The following PCLO variants were observed in gnomAD, a reference collection of about 807,000 sequenced individuals.
The protein encoded by PCLO is piccolo presynaptic cytomatrix protein.
In PCLO, 82 loss-of-function variants were observed where a neutral mutation model predicts 427.5. The observed-to-expected ratio is 0.19, with a 90% confidence interval of 0.16 to 0.23. The LOEUF (loss-of-function observed/expected upper bound fraction) is 0.23. PCLO is among the 10% of genes least tolerant of loss of function. The pLI, the probability that PCLO is intolerant of heterozygous loss-of-function variation, is 1.00. For missense variants in PCLO, 6,239 were observed against 6,115.9 expected (o/e 1.02, Z -0.67); for synonymous variants, 2,357 against 2,155.4 (o/e 1.09, Z -2.59).
chr7:83,106,131 G>A (rs960589685), intron 3 of PCLO, among the ~76,000 whole-genome samples: 1 of 152,190 alleles, frequency 6.6e-6, no homozygotes, highest in Non-Finnish European at 1.5e-5. Context: ...CACTGCTGTG[G>A]CTGAATTCCA....
chr7:83,066,214 C>A (rs573819390), intron 3 of PCLO, among the ~76,000 whole-genome samples: 3 of 152,178 alleles, frequency 2.0e-5, no homozygotes, highest in East Asian at 1.9e-4. Flanking sequence ...ACTTTTTAAA[C>A]CCTTTAAAAA....
chr7:83,024,908 G>A (rs564075098), intron 3 of PCLO, among the ~76,000 whole-genome samples: 1 of 151,332 alleles, frequency 6.6e-6, no homozygotes, highest in South Asian at 2.1e-4. Flanking sequence ...CTGTTAGAAG[G>A]AAAACTAACA....
intron 22 of PCLO, among the ~76,000 whole-genome samples, chr7:82,785,172 T>C (rs189919232): frequency 1.1e-4 from 16 of 152,284 alleles, no homozygotes; most frequent in African/African-American, 3.6e-4. Context: ...AATTATTCCA[T>C]GGATTGGGGG....
chr7:82,761,341 T>C lies in PCLO; in HGVS notation c.15142+18A>G. ...AAAAAAATCTAGATATATTGATGAT[T>C]ATAATAGAATTAGATACCTGGTAGA... On this transcript the variant is annotated intron_variant, in intron 23 of 24. Coordinates refer to ENST00000333891, the MANE Select transcript of PCLO (RefSeq NM_033026.6). 2 of 1,341,536 alleles carry C rather than the reference T, an allele frequency of 1.5e-6. No individual in the cohort carries two copies. The highest frequency in any genetic ancestry group is 1.3e-5 in the South Asian group (1 of 75,396). 83.1% of individuals were successfully genotyped at this position (1,341,536 alleles called of 1,614,324 possible).
intron 6 of PCLO, among the ~76,000 whole-genome samples, chr7:82,925,127 CCTCT>C (rs1794683865): frequency 6.6e-6 from 1 of 152,096 alleles, no homozygotes; most frequent in Non-Finnish European, 1.5e-5. Context: ...ATACTATACT[CCTCT>C]CTGACTTTAT....
chr7:83,038,266 G>A (rs1425970403), intron 3 of PCLO, among the ~76,000 whole-genome samples: 2 of 148,822 alleles, frequency 1.3e-5, no homozygotes, highest in Non-Finnish European at 3.0e-5. Flanking sequence ...CAATTTAATG[G>A]TTTTTAGTAT....
At chr7:83,055,950 T>C (rs1033171924) in intron 3 of PCLO, among the ~76,000 whole-genome samples, 1 of 152,158 alleles carries the variant, frequency 6.6e-6, no homozygotes, top group Non-Finnish European at 1.5e-5. Context: ...CAGGTAGAGA[T>C]GTTTTAATAC....
intron 3 of PCLO, among the ~76,000 whole-genome samples, chr7:83,042,793 C>T (rs557257049): frequency 1.7e-4 from 26 of 152,134 alleles, no homozygotes; most frequent in African/African-American, 5.8e-4. Context: ...ACCCGGGAGG[C>T]GGAGGTTGCA....
chr7:82,893,365 C>A (rs979397434), intron 9 of PCLO, among the ~76,000 whole-genome samples: 2 of 151,818 alleles, frequency 1.3e-5, no homozygotes, highest in Admixed American at 6.6e-5. Flanking sequence ...TAGGTGGGAA[C>A]TGAACAATGA....
Position 83,135,133 on chromosome 7 carries a change from A to C in PCLO, c.2417T>G (p.Phe806Cys). The stretch of plus-strand genomic sequence containing the variant: ...GCTGACTTTTTCCCCTGTTGGTGGA[A>C]AACTCTGTGAGGGTTTGGCAGAGTC... ...KTDSAKPSQS[F>C]PPTGEKVSPF... The change falls in exon 3 of 25, where the codon TTT becomes TGT. Residue 806 changes from phenylalanine to cysteine, a missense_variant. Phe to Cys is a radical substitution (Grantham distance 205, BLOSUM62 -2). Coordinates refer to ENST00000333891, the MANE Select transcript of PCLO (RefSeq NM_033026.6). 1.2e-6 allele frequency: 2 copies of C among 1,613,922 alleles called. No individual in the cohort carries two copies. The highest frequency in any genetic ancestry group is 1.7e-6 in the Non-Finnish European group (2 of 1,179,890).
rs771739716 is a variant in PCLO at position 82,915,086 on chromosome 7, C to A, written c.12900G>T (p.Gly4300=). 1 of 1,604,104 alleles carries A rather than the reference C, an allele frequency of 6.2e-7. No homozygotes were observed. The part of the protein sequence containing the change: ...RPSSRPSSVY[G]LDLSIKRDSS... ...AATCCCTTTTAATTGATAAATCAAG[C>A]CCATAGACAGAGGAAGGTCTGGAGG... The change falls in exon 7 of 25, where the codon GGG becomes GGT. Residue 4300 remains glycine, a synonymous_variant. Coordinates refer to ENST00000333891, the MANE Select transcript of PCLO (RefSeq NM_033026.6).
At position 82,944,137 on chromosome 7, in the gene PCLO, TA is replaced by T. The variant is rs71096608; in HGVS notation, c.11112+5338del. On this transcript the variant is annotated intron_variant, in intron 6 of 24. Transcript: ENST00000333891. ...GCCTGGGCAACGGAACAAGAATCCA[TA>T]AAAAAAAAAAAAAAAAAAAAAAAAA... 8.4e-3 allele frequency among the ~76,000 whole-genome samples: 286 copies of T among 33,906 alleles called. 1 individual carries two copies. Among genetic ancestry groups the T allele is most frequent in the Non-Finnish European group, 9.9e-3 (195 of 19,656 alleles). The allele number at this position is 33,906 out of a possible 152,430, so 22.2% of individuals were successfully genotyped here. A position where few individuals can be genotyped will look rare whatever the true frequency, so the allele number is the denominator to read the frequency against.
chr7:83,059,697 A>G (rs180825198), intron 3 of PCLO, among the ~76,000 whole-genome samples: 5 of 152,266 alleles, frequency 3.3e-5, no homozygotes, highest in Non-Finnish European at 7.4e-5. Flanking sequence ...AGAGGTGAAG[A>G]GCTATGCCAT....
At chr7:82,994,817 C>T (rs148432718) in intron 3 of PCLO, among the ~76,000 whole-genome samples, 3 of 151,790 alleles carry the variant, frequency 2.0e-5, no homozygotes, top group East Asian at 1.9e-4. Flanking sequence ...GGGGAAAAAA[C>T]GATGAGAATA....
At position 82,998,721 on chromosome 7, in the gene PCLO, T is replaced by C. The variant is rs577451946; in HGVS notation, c.3301-32234A>G. Among the ~76,000 whole-genome samples, 3 of 151,984 alleles carry C rather than the reference T, an allele frequency of 2.0e-5. No homozygotes were observed. The South Asian group carries it at 6.2e-4, about 32-fold the overall frequency. On this transcript the variant is annotated intron_variant, in intron 3 of 24. Transcript: ENST00000333891. ...TTACCACCACATTACTAAAGGCCTA[T>C]TTACAGCACTTTCTTTTACCCAATA...
intron 3 of PCLO, among the ~76,000 whole-genome samples, chr7:83,034,271 C>G (rs1006530362): frequency 1.3e-5 from 2 of 152,264 alleles, no homozygotes; most frequent in Admixed American, 6.5e-5. Context: ...TCACTGTAAC[C>G]TCTGCCTCCC....
At chr7:83,142,172 G>A (rs1331708028) in intron 2 of PCLO, among the ~76,000 whole-genome samples, 1 of 152,050 alleles carries the variant, frequency 6.6e-6, no homozygotes, top group African/African-American at 2.4e-5. Flanking sequence ...CATAGCCGTA[G>A]TACTTGGAAT....
chr7:82,879,938 A>G, intron 9 of PCLO: 1 of 404,592 alleles, frequency 2.5e-6, no homozygotes, highest in Non-Finnish European at 4.8e-6. Context: ...TTTATTTTTC[A>G]GCCTTAATTA....
intron 2 of PCLO, among the ~76,000 whole-genome samples, chr7:83,147,976 A>T (rs183409166): frequency 2.0e-5 from 3 of 152,236 alleles, no homozygotes; most frequent in African/African-American, 7.2e-5. Flanking sequence ...TCCAAGGTGA[A>T]TTTTTTCATA....
Sources: gnomAD v4.1 joint callset for allele counts (sites outside exome capture counted in the v4.1 genomes callset) on GRCh38, gnomAD v4.1.1 for gene constraint, MANE v1.5 for transcripts, NCBI Gene and HGNC (gene_info 2026-07-23, HGNC 2026-07-21) for gene names.